GATA4: variants seen among roughly 807,000 people sequenced by gnomAD.
GATA4 encodes the protein transcription factor GATA-4.
Under a neutral mutation model 37.9 loss-of-function variants are expected in GATA4, and 7 were observed. That is an observed-to-expected ratio of 0.18 (90% CI 0.11 to 0.35). The LOEUF (loss-of-function observed/expected upper bound fraction) is 0.35, where lower values mean the gene tolerates loss of function less well. Ranked by LOEUF, GATA4 falls within the 10% of genes least tolerant of loss-of-function variation. The pLI, the probability that GATA4 is intolerant of heterozygous loss-of-function variation, is 1.00. For synonymous variants in GATA4, 372 were observed against 292.6 expected, an observed-to-expected ratio of 1.27 and a Z score of -2.77; for missense variants, 647 against 653.0, an observed-to-expected ratio of 0.99 and a Z score of 0.10.
At chr8:11,700,940 A>C (rs1799655117), upstream of GATA4, among the ~76,000 whole-genome samples, 1 of 152,182 alleles carries the variant, frequency 6.6e-6, no homozygotes, top group Non-Finnish European at 1.5e-5. Flanking sequence ...GGTCCCACCA[A>C]AAACTCGCAG....
chr8:11,684,009 G>A (rs926311907), intron 1 of GATA4, among the ~76,000 whole-genome samples: 1 of 152,194 alleles, frequency 6.6e-6, no homozygotes, highest in Non-Finnish European at 1.5e-5. Context: ...CAAGTCTCCG[G>A]GTTTATGCCC....
rs947877050 is a variant in GATA4 at position 11,694,472 on chromosome 8, C to T, written c.-729+1812C>T. The stretch of plus-strand genomic sequence containing the variant: ...GAACATTGCGCTGCCACCAGCTCTC[C>T]GAGCCGTGGACTGCATCCTCATCAC... On this transcript the variant is annotated intron_variant, in intron 1 of 2. Coordinates refer to the GATA4 transcript ENST00000526974. 1.1e-5 allele frequency: 11 copies of T among 985,332 alleles called. No individual in the cohort carries two copies. The East Asian group carries it at 3.4e-4, about 31-fold the overall frequency. 61.0% of individuals were successfully genotyped at this position (985,332 alleles called of 1,614,324 possible). A position where few individuals can be genotyped will look rare whatever the true frequency, so the allele number is the denominator to read the frequency against.
chr8:11,752,608 G>T (rs966286044), intron 4 of GATA4, among the ~76,000 whole-genome samples: 2 of 152,164 alleles, frequency 1.3e-5, no homozygotes, highest in African/African-American at 4.8e-5. Flanking sequence ...AGATTTTGGT[G>T]GGGACACAGC....
At chr8:11,703,138 T>C (rs376347284), upstream of GATA4, among the ~76,000 whole-genome samples, 1 of 151,060 alleles carries the variant, frequency 6.6e-6, no homozygotes, top group East Asian at 1.9e-4. Context: ...CCCTCTAATC[T>C]GGCTTGAGAA....
chr8:11,714,171 G>T (rs1800328262), intron 2 of GATA4, among the ~76,000 whole-genome samples: 1 of 152,226 alleles, frequency 6.6e-6, no homozygotes, highest in Non-Finnish European at 1.5e-5. Flanking sequence ...ATTATTTTGT[G>T]TAATGGAGAC....
At chr8:11,719,314 T>G (rs1800568951) in intron 2 of GATA4, among the ~76,000 whole-genome samples, 2 of 151,218 alleles carry the variant, frequency 1.3e-5, no homozygotes, top group Admixed American at 1.3e-4. Flanking sequence ...CAAAATTGAG[T>G]AGGCGGGGAA....
rs1285850308 is a variant in GATA4 at position 11,693,560 on chromosome 8, C to CAGAGAGAGAGAG, written c.-729+901_-729+902insGAGAGAGAGAGA. ...ACACACACACACACACACACACACA[C>CAGAGAGAGAGAG]ACAGAGAGAGAGAGAGAGAGAGAGA... On this transcript the variant is annotated intron_variant, in intron 1 of 2. Coordinates refer to the GATA4 transcript ENST00000526974. 1.0e-3 allele frequency among the ~76,000 whole-genome samples: 71 copies of CAGAGAGAGAGAG among 68,906 alleles called. 1 individual carries two copies. The highest frequency in any genetic ancestry group is 3.3e-3 in the African/African-American group (66 of 20,090). 45.2% of individuals were successfully genotyped at this position (68,906 alleles called of 152,430 possible).
Position 11,751,459 on chromosome 8 carries a change from G to A in GATA4, c.912+1223G>A, listed in dbSNP as rs140677577. 2.9e-3 allele frequency among the ~76,000 whole-genome samples: 439 copies of A among 152,248 alleles called. 1 individual carries two copies. The highest frequency in any genetic ancestry group is 9.7e-3 in the African/African-American group (404 of 41,530). ...TGGGGTGCCTCCAGGAGAAAAACTG[G>A]GGTCCTGGGGAGAAGGGATTGGAAG... On this transcript the variant is annotated intron_variant, in intron 4 of 6. Coordinates refer to ENST00000532059, the MANE Select transcript of GATA4 (RefSeq NM_001308093.3).
upstream of GATA4, among the ~76,000 whole-genome samples, chr8:11,702,837 G>A (rs1427901206): frequency 6.6e-6 from 1 of 152,150 alleles, no homozygotes; most frequent in Non-Finnish European, 1.5e-5. This position sits in a 1 kb window ranked among gnomAD's most constrained non-coding sequence, Gnocchi z 4.4. Flanking sequence ...CTCTGTTTGC[G>A]CCCCAGTGAA....
At chr8:11,701,799 A>G (rs1799685334), upstream of GATA4, among the ~76,000 whole-genome samples, 3 of 131,256 alleles carry the variant, frequency 2.3e-5, no homozygotes, top group South Asian at 7.7e-4. Flanking sequence ...AGGGGATCCC[A>G]GGTTTCAGTC....
rs373686693 is a variant in GATA4 at position 11,755,176 on chromosome 8, G to A, written c.1000+43G>A. On this transcript the variant is annotated intron_variant, in intron 5 of 6. Coordinates refer to ENST00000532059, the MANE Select transcript of GATA4 (RefSeq NM_001308093.3). ...GAGTGATTATATGAGTACATCAGGA[G>A]CCCTCAGAGTGCCTAAGAATCATAT... 6.2e-5 allele frequency: 95 copies of A among 1,520,506 alleles called. 1 individual carries two copies. In the African/African-American group the frequency reaches 1.0e-3, roughly 16 times the overall value. The allele number at this position is 1,520,506 out of a possible 1,614,324, so 94.2% of individuals were successfully genotyped here.
rs1232092119 is a variant in GATA4 at position 11,745,010 on chromosome 8, TC to T, written c.617-3903del. Among the ~76,000 whole-genome samples, 178 of 152,344 alleles carry T rather than the reference TC, an allele frequency of 1.2e-3. 1 individual carries two copies. The highest frequency in any genetic ancestry group is 2.4e-4 in the Non-Finnish European group (16 of 68,022). ...ATCATTAGCACTCTGAGACCTGGGT[TC>T]CCTCCTAGCTCCTGTGACATCTATC... On this transcript the variant is annotated intron_variant, in intron 2 of 6. Transcript: ENST00000532059.
chr8:11,745,235 T>A (rs1801969137), intron 2 of GATA4, among the ~76,000 whole-genome samples: 1 of 152,026 alleles, frequency 6.6e-6, no homozygotes, highest in African/African-American at 2.4e-5. Flanking sequence ...GCAGCTGAGA[T>A]CACGCTCCAG....
intron 2 of GATA4, among the ~76,000 whole-genome samples, chr8:11,719,894 C>A (rs1037638420): frequency 1.3e-5 from 2 of 152,126 alleles, no homozygotes; most frequent in African/African-American, 4.8e-5. Context: ...TAATTTATAG[C>A]CACTTTAAAA....
intron 1 of GATA4, chr8:11,681,099 C>G: frequency 3.1e-6 from 3 of 978,740 alleles, no homozygotes; most frequent in Non-Finnish European, 2.4e-6. Flanking sequence ...GGTGGCGCCC[C>G]AGGCTCGCAG....
intron 2 of GATA4, among the ~76,000 whole-genome samples, chr8:11,739,896 T>G (rs1376122340): frequency 2.0e-5 from 3 of 152,200 alleles, no homozygotes; most frequent in Non-Finnish European, 4.4e-5. Context: ...TTGCAGGTTT[T>G]AAGACTGTAC....
chr8:11,693,497 A>AG (rs879502595), intron 1 of GATA4, among the ~76,000 whole-genome samples: 16 of 149,684 alleles, frequency 1.1e-4, no homozygotes, highest in East Asian at 6.1e-4. Flanking sequence ...AGAGAGAGAG[A>AG]AAAAAAGAGG....
chr8:11,756,984 C>T lies in GATA4; in HGVS notation c.1050C>T (p.Asn350=). The T allele has an allele frequency of 6.2e-7, 1 of 1,614,254 alleles. No homozygotes were observed. Among genetic ancestry groups the T allele is most frequent in the Non-Finnish European group, 8.5e-7 (1 of 1,180,052 alleles). ...CTCCCGCCAGCGGTGCTTCCAGCAA[C>T]TCCAGCAACGCCACCACCAGCAGCA... ...SLPPASGASS[N]SSNATTSSSE... is the part of the protein sequence containing the mutation. The change falls in exon 6 of 7, where the codon AAC becomes AAT. Residue 350 remains asparagine (N), a synonymous_variant. Coordinates refer to ENST00000532059, the MANE Select transcript of GATA4 (RefSeq NM_001308093.3).
intron 6 of GATA4, among the ~76,000 whole-genome samples, 188 bp from the exon 7 acceptor site, chr8:11,758,105 A>C (rs2130354021): frequency 6.6e-6 from 1 of 152,284 alleles, no homozygotes; most frequent in Non-Finnish European, 1.5e-5. Flanking sequence ...CAGCTGATGC[A>C]TCACCCAGAC....
Sources: allele counts gnomAD v4.1 joint callset (sites outside exome capture counted in the v4.1 genomes callset), GRCh38; gene constraint gnomAD v4.1.1; non-coding constraint Gnocchi (gnomAD v3.1); transcripts MANE v1.5; gene names NCBI Gene and HGNC (gene_info 2026-07-23, HGNC 2026-07-21).